The following GALNTL6 variants were observed in gnomAD, a reference collection of about 807,000 sequenced individuals.
The protein encoded by GALNTL6 is polypeptide N-acetylgalactosaminyltransferase like 6, also known as polypeptide N-acetylgalactosaminyltransferase-like 6.
GALNTL6 carries 46 observed loss-of-function variants against 73.7 expected under a neutral mutation model. The ratio of observed to expected loss-of-function variants is 0.62; its 90% CI spans 0.49 to 0.80. The LOEUF (loss-of-function observed/expected upper bound fraction) is 0.80, where lower values mean the gene tolerates loss of function less well. Ranked by LOEUF, GALNTL6 falls within the 30% of genes least tolerant of loss-of-function variation. The probability of loss-of-function intolerance (pLI) is 0.00; values close to 1 mark genes in which losing one functional copy is unlikely to be tolerated. For synonymous variants in GALNTL6, 259 were observed against 263.7 expected (o/e 0.98, Z 0.17); for missense variants, 604 against 755.0 (o/e 0.80, Z 2.34).
intron 2 of GALNTL6, among the ~76,000 whole-genome samples, chr4:171,827,147 C>T (rs989446374): frequency 6.6e-6 from 1 of 152,082 alleles, no homozygotes; most frequent in African/African-American, 2.4e-5. Context: ...AAAGTTCCAA[C>T]AAGGTCACAT....
intron 8 of GALNTL6, among the ~76,000 whole-genome samples, chr4:172,896,132 T>C (rs1217250647): frequency 6.6e-6 from 1 of 152,204 alleles, no homozygotes; most frequent in Non-Finnish European, 1.5e-5. Context: ...GGTACCTTAC[T>C]TTGTTTGTTT....
intron 10 of GALNTL6, among the ~76,000 whole-genome samples, chr4:172,960,215 G>A (rs188454696): frequency 4.6e-5 from 7 of 152,222 alleles, no homozygotes; most frequent in East Asian, 1.9e-4. Context: ...TTTTATATTC[G>A]ACGAAAAAGA....
chr4:172,714,808 G>A (rs927928379), intron 5 of GALNTL6, among the ~76,000 whole-genome samples: 2 of 151,960 alleles, frequency 1.3e-5, no homozygotes, highest in Admixed American at 6.6e-5. Flanking sequence ...GAGCGTAAGG[G>A]CTATGCCATC....
chr4:171,920,464 A>G (rs1282130648), intron 2 of GALNTL6, among the ~76,000 whole-genome samples: 1 of 152,200 alleles, frequency 6.6e-6, no homozygotes, highest in Admixed American at 6.6e-5. Context: ...TTTCATGTCA[A>G]TAATAAGTGT....
intron 10 of GALNTL6, among the ~76,000 whole-genome samples, chr4:172,993,243 A>T (rs555819542): frequency 7.9e-5 from 12 of 152,320 alleles, no homozygotes; most frequent in Admixed American, 7.8e-4. Context: ...GACACCAGGG[A>T]TGTGTGCACA....
chr4:172,299,233 T>A (rs573273723), intron 3 of GALNTL6, among the ~76,000 whole-genome samples: 1,526 of 152,310 alleles, frequency 0.01, 14 homozygotes, highest in Non-Finnish European at 0.015. Flanking sequence ...TCATTTTTTA[T>A]TGCATCTATT....
At chr4:171,860,366 C>A (rs1023975) in intron 2 of GALNTL6, among the ~76,000 whole-genome samples, 86,030 of 151,928 alleles carry the variant, frequency 0.57, 26,661 homozygotes, top group Non-Finnish European at 0.69. Context: ...GAAATTTGGA[C>A]CTTCATAGTC....
rs139606884 is a variant in GALNTL6, at chr4:173,034,380, T to A, written c.1639-5553T>A. ...CATGAGAAGTCAATCCTTAGCACTG[T>A]ACCACCATCTCATCATGATGTAGCC... On this transcript the variant is annotated intron_variant, in intron 12 of 12. Transcript: ENST00000506823. Among the ~76,000 whole-genome samples, 296 of 152,316 alleles carry A rather than the reference T, an allele frequency of 1.9e-3. 2 individuals carry two copies. Among genetic ancestry groups the A allele is most frequent in the African/African-American group, 6.7e-3 (279 of 41,572 alleles).
intron 8 of GALNTL6, among the ~76,000 whole-genome samples, chr4:172,906,041 G>A (rs1746873021): frequency 6.6e-6 from 1 of 152,116 alleles, no homozygotes; most frequent in Admixed American, 6.6e-5. Context: ...CCACTAAGTG[G>A]GGAATCAGTA....
At chr4:172,482,731 T>C (rs1733534356) in intron 5 of GALNTL6, among the ~76,000 whole-genome samples, 2 of 152,224 alleles carry the variant, frequency 1.3e-5, no homozygotes, top group African/African-American at 4.8e-5. Flanking sequence ...TAGGAAATAC[T>C]TCTTTATTTG....
rs536291375 is a variant in GALNTL6 at position 172,288,377 on chromosome 4, C to T, written c.248-23237C>T. The stretch of plus-strand genomic sequence containing the variant: ...AAGTGCTGGGATTACAGGCATGAGC[C>T]ACAGCGCCTGGCCGAATTGATTTTT... On this transcript the variant is annotated intron_variant, in intron 3 of 12. Coordinates refer to ENST00000506823, the MANE Select transcript of GALNTL6 (RefSeq NM_001034845.3). Among the ~76,000 whole-genome samples, 12 of 152,244 alleles carry T rather than the reference C, an allele frequency of 7.9e-5. No homozygotes were observed. The East Asian group carries it at 1.9e-3, about 24-fold the overall frequency.
intron 5 of GALNTL6, among the ~76,000 whole-genome samples, chr4:172,703,506 G>C (rs1026623365): frequency 1.3e-5 from 2 of 151,842 alleles, no homozygotes; most frequent in Admixed American, 1.3e-4. Flanking sequence ...GATCAGTTTA[G>C]ATATGTTGAA....
chr4:172,815,991 C>T (rs1242913540), intron 7 of GALNTL6, among the ~76,000 whole-genome samples: 1 of 152,180 alleles, frequency 6.6e-6, no homozygotes, highest in Admixed American at 6.5e-5. Context: ...TTCATTATCA[C>T]GGCAGTCACC....
At chr4:172,235,488 T>G (rs1250156254) in intron 3 of GALNTL6, among the ~76,000 whole-genome samples, 1 of 152,214 alleles carries the variant, frequency 6.6e-6, no homozygotes, top group African/African-American at 2.4e-5. Context: ...ATTACAGGCA[T>G]GAGCCATTGT....
At chr4:172,557,650 A>G (rs1162496807) in intron 5 of GALNTL6, among the ~76,000 whole-genome samples, 1 of 152,196 alleles carries the variant, frequency 6.6e-6, no homozygotes, top group Non-Finnish European at 1.5e-5. Flanking sequence ...ACTCAATACC[A>G]TTAGTCGTCA....
At chr4:171,953,071 T>G (rs1738930384) in intron 2 of GALNTL6, among the ~76,000 whole-genome samples, 1 of 151,920 alleles carries the variant, frequency 6.6e-6, no homozygotes, top group Non-Finnish European at 1.5e-5. Context: ...CAAAGAGGCG[T>G]AAGGACATAA....
chr4:172,975,736 G>T (rs1750777699), intron 10 of GALNTL6, among the ~76,000 whole-genome samples: 1 of 152,152 alleles, frequency 6.6e-6, no homozygotes, highest in Non-Finnish European at 1.5e-5. Context: ...ATCGGCGAGG[G>T]GGCTAAGGGA....
chr4:171,893,635 G>A (rs1736822410), intron 2 of GALNTL6, among the ~76,000 whole-genome samples: 1 of 151,914 alleles, frequency 6.6e-6, no homozygotes, highest in Admixed American at 6.6e-5. Context: ...CAGCTAGTTG[G>A]GATCCCCTTA....
intron 5 of GALNTL6, among the ~76,000 whole-genome samples, chr4:172,690,935 A>C (rs1486428926): frequency 1.3e-5 from 2 of 152,214 alleles, no homozygotes; most frequent in African/African-American, 4.8e-5. Context: ...TAGAGGGAGT[A>C]TTGTAGAAAT....
Sources: gnomAD v4.1 joint callset for allele counts (sites outside exome capture counted in the v4.1 genomes callset) on GRCh38, gnomAD v4.1.1 for gene constraint, MANE v1.5 for transcripts, NCBI Gene and HGNC (gene_info 2026-07-23, HGNC 2026-07-21) for gene names.